The following MCTP1 variants were observed in gnomAD, a reference collection of about 807,000 sequenced individuals.
The protein encoded by MCTP1 is multiple C2 and transmembrane domain-containing protein 1.
In MCTP1, 69 loss-of-function variants were observed where a neutral mutation model predicts 120.6. That is an observed-to-expected ratio of 0.57 (90% CI 0.47 to 0.70). MCTP1 has a LOEUF of 0.70. Among genes scored for constraint, MCTP1 ranks in the 30% least tolerant of loss-of-function variants. The pLI is 0.00. For missense variants in MCTP1, 1,203 were observed against 1,248.8 expected, an observed-to-expected ratio of 0.96 and a Z score of 0.55; for synonymous variants, 529 against 493.1, an observed-to-expected ratio of 1.07 and a Z score of -0.96.
intron 3 of MCTP1, among the ~76,000 whole-genome samples, chr5:94,947,573 TATATAGAGAG>T (rs1375225970): frequency 6.4e-5 from 3 of 47,022 alleles, no homozygotes; most frequent in South Asian, 7.0e-4. Context: ...TATATATATA[TATATAGAGAG>T]AGAGAGAGAG....
rs1760535531 is a variant in MCTP1, at chr5:95,283,909, T to C, written c.667A>G (p.Ser223Gly). ...TCCGGGGCCCGAGACTCCGCGGGAC[T>C]CCGCGCCGGCTCTGCGGGAGGAGGC... ...PPPPPAEPAR[S>G]PAESRAPETG... Residue 223 changes from serine (S) to glycine (G), a missense_variant, in exon 1 of 23, where the codon AGT becomes GGT. This residue lies in a region of MCTP1 where 463 missense variants were observed against 377.8 expected (regional missense o/e 1.23). Transcript: ENST00000515393. The C allele has an allele frequency of 3.6e-6, 5 of 1,392,268 alleles. No individual in the cohort carries two copies. Among genetic ancestry groups the C allele is most frequent in the South Asian group, 1.6e-5 (1 of 61,526 alleles). 86.2% of individuals were successfully genotyped at this position (1,392,268 alleles called of 1,614,324 possible). A position where few individuals can be genotyped will look rare whatever the true frequency, so the allele number is the denominator to read the frequency against.
At chr5:95,190,776 A>C (rs1749740305) in intron 1 of MCTP1, among the ~76,000 whole-genome samples, 1 of 152,144 alleles carries the variant, frequency 6.6e-6, no homozygotes, top group Admixed American at 6.6e-5. Flanking sequence ...TTTGATGTAC[A>C]TTTGAGAAGA....
At chr5:94,799,869 C>T (rs1424809435) in intron 17 of MCTP1, among the ~76,000 whole-genome samples, 1 of 152,134 alleles carries the variant, frequency 6.6e-6, no homozygotes, top group Non-Finnish European at 1.5e-5. Context: ...AGAACACTTA[C>T]ATTATAAAAC....
chr5:95,271,190 T>C (rs371054587), intron 1 of MCTP1, among the ~76,000 whole-genome samples: 177 of 152,286 alleles, frequency 1.2e-3, no homozygotes, highest in South Asian at 4.8e-3. Context: ...ATAATCCAGA[T>C]ATAATTAAGA....
At chr5:94,720,210 G>A (rs1483425091) in intron 19 of MCTP1, among the ~76,000 whole-genome samples, 1 of 151,730 alleles carries the variant, frequency 6.6e-6, no homozygotes, top group Non-Finnish European at 1.5e-5. Flanking sequence ...ATACAGGGAA[G>A]TTATTTACTG....
At chr5:94,893,288 A>G in intron 11 of MCTP1, among the ~76,000 whole-genome samples, 1 of 152,230 alleles carries the variant, frequency 6.6e-6, no homozygotes, top group East Asian at 1.9e-4. Flanking sequence ...ATATTAATCC[A>G]TCAACTATAG....
At chr5:95,096,310 C>T (rs548425565) in intron 1 of MCTP1, among the ~76,000 whole-genome samples, 1 of 152,286 alleles carries the variant, frequency 6.6e-6, no homozygotes, top group East Asian at 1.9e-4. Flanking sequence ...ATAACCATTT[C>T]GTCCTCAGGC....
intron 4 of MCTP1, among the ~76,000 whole-genome samples, 199 bp from the exon 5 acceptor site, chr5:94,940,394 T>C (rs1817292861): frequency 1.5e-5 from 1 of 68,214 alleles, no homozygotes; most frequent in South Asian, 3.8e-4. Context: ...ACCAGATGAA[T>C]TTCTGCTTTC....
rs1012095901 is a variant in MCTP1 at position 94,971,356 on chromosome 5, G to A, written c.839-17995C>T. On this transcript the variant is annotated intron_variant, in intron 2 of 22. Coordinates refer to ENST00000515393, the MANE Select transcript of MCTP1 (RefSeq NM_024717.7). The stretch of plus-strand genomic sequence containing the variant: ...TTTTTATCCCTTTTAGGTAAACAAT[G>A]AATGCAATTTAAAAAAAAATGGGGC... 2.1e-4 allele frequency among the ~76,000 whole-genome samples: 32 copies of A among 152,036 alleles called. No individual in the cohort carries two copies. In the Middle Eastern group the frequency reaches 0.014, roughly 65 times the overall value.
chr5:94,980,666 C>T (rs1006924616), intron 2 of MCTP1, among the ~76,000 whole-genome samples: 1 of 151,748 alleles, frequency 6.6e-6, no homozygotes, highest in Non-Finnish European at 1.5e-5. Flanking sequence ...CATGTGTAGT[C>T]CTAAAGACAT....
At chr5:95,105,671 C>T (rs1344104996) in intron 1 of MCTP1, among the ~76,000 whole-genome samples, 3 of 152,052 alleles carry the variant, frequency 2.0e-5, no homozygotes, top group Non-Finnish European at 4.4e-5. Flanking sequence ...CCTAGGAATA[C>T]TGCTGAGGGG....
rs147591115 is a variant in MCTP1 at position 95,044,235 on chromosome 5, A to G, written c.721-26751T>C. On this transcript the variant is annotated intron_variant, in intron 1 of 22. Transcript: ENST00000515393. ...CTAGAGAGAGGAGAATGGAAGAAGC[A>G]ATGGAACGAATTTCTTTTCACCTAT... 1.3e-3 allele frequency among the ~76,000 whole-genome samples: 196 copies of G among 152,334 alleles called. 2 individuals carry two copies. The Middle Eastern group carries it at 0.014, about 11-fold the overall frequency.
intron 19 of MCTP1, among the ~76,000 whole-genome samples, chr5:94,744,671 T>G (rs1277371321): frequency 6.6e-6 from 1 of 152,066 alleles, no homozygotes; most frequent in Non-Finnish European, 1.5e-5. Context: ...ACTGGGCTAA[T>G]TTTTGTATTT....
At chr5:95,106,830 A>T (rs1030154451) in intron 1 of MCTP1, among the ~76,000 whole-genome samples, 35 of 152,342 alleles carry the variant, frequency 2.3e-4, no homozygotes, top group Admixed American at 9.8e-4. Context: ...CTGATCCAGA[A>T]CAGTCATTTT....
At chr5:94,909,939 T>C (rs2153435872) in intron 9 of MCTP1, among the ~76,000 whole-genome samples, 1 of 152,158 alleles carries the variant, frequency 6.6e-6, no homozygotes, top group South Asian at 2.1e-4. Context: ...AGCACTGATG[T>C]AGTATCTCAT....
chr5:95,194,884 G>A (rs1416698256), intron 1 of MCTP1, among the ~76,000 whole-genome samples: 2 of 152,320 alleles, frequency 1.3e-5, no homozygotes, highest in East Asian at 3.9e-4. Context: ...GATCAAACAA[G>A]GCTAGAGGGA....
intron 1 of MCTP1, among the ~76,000 whole-genome samples, chr5:95,179,139 A>T (rs1291781529): frequency 6.6e-6 from 1 of 152,222 alleles, no homozygotes; most frequent in African/African-American, 2.4e-5. Flanking sequence ...AAGACAAAAA[A>T]TATTTAAAAA....
chr5:94,715,216 A>G (rs1306351166), intron 19 of MCTP1, among the ~76,000 whole-genome samples: 2 of 152,012 alleles, frequency 1.3e-5, no homozygotes, highest in Non-Finnish European at 2.9e-5. Context: ...CCCGGATTCT[A>G]CAGTGCCTCT....
chr5:94,930,987 A>G (rs1322433682), intron 6 of MCTP1: 2 of 152,144 alleles, frequency 1.3e-5, no homozygotes, highest in African/African-American at 4.8e-5. Context: ...ACTTTTTTGT[A>G]AGCCAAATTA....
Sources: gnomAD v4.1 joint callset for allele counts (sites outside exome capture counted in the v4.1 genomes callset) on GRCh38, gnomAD v4.1.1 for gene constraint, gnomAD v4.1.1 regional missense constraint, MANE v1.5 for transcripts, NCBI Gene and HGNC (gene_info 2026-07-23, HGNC 2026-07-21) for gene names.